GPR149: variants seen among roughly 807,000 people sequenced by gnomAD.
The protein encoded by GPR149 is probable G protein-coupled receptor 149.
In GPR149, 50 loss-of-function variants were observed where a neutral mutation model predicts 50.2. That is an observed-to-expected ratio of 1.00 (90% CI 0.79 to 1.26). The LOEUF (loss-of-function observed/expected upper bound fraction) is 1.26. Among genes scored for constraint, GPR149 ranks in the 50% most tolerant of loss-of-function variants. The probability of loss-of-function intolerance (pLI) is 0.00; values close to 1 mark genes in which losing one functional copy is unlikely to be tolerated. For synonymous variants in GPR149, 405 were observed against 358.2 expected (o/e 1.13, Z -1.48); for missense variants, 983 against 895.4 (o/e 1.10, Z -1.25).
At chr3:154,414,422 C>A (rs186600869) in intron 3 of GPR149, among the ~76,000 whole-genome samples, 120 of 152,004 alleles carry the variant, frequency 7.9e-4, no homozygotes, top group African/African-American at 2.8e-3. Context: ...AAAGAAGAAT[C>A]GTAGAAATAG....
At chr3:154,350,046 A>T (rs1010013886) in intron 3 of GPR149, among the ~76,000 whole-genome samples, 3 of 152,088 alleles carry the variant, frequency 2.0e-5, no homozygotes, top group Non-Finnish European at 4.4e-5. Context: ...AAATAAAAAA[A>T]TTTAGCTAGG....
intron 3 of GPR149, among the ~76,000 whole-genome samples, chr3:154,394,601 G>C (rs894446592): frequency 1.3e-5 from 2 of 151,970 alleles, no homozygotes; most frequent in East Asian, 3.8e-4. Context: ...AGCATGAAAA[G>C]GTAACCTACA....
intron 3 of GPR149, among the ~76,000 whole-genome samples, chr3:154,401,639 C>G (rs1193145432): frequency 6.6e-6 from 1 of 151,930 alleles, no homozygotes; most frequent in Non-Finnish European, 1.5e-5. Context: ...TTTCAACTTT[C>G]AGAAGGCAAA....
intron 1 of GPR149, among the ~76,000 whole-genome samples, 167 bp downstream of exon 1, chr3:154,428,468 C>G (rs1027180219): frequency 1.3e-5 from 2 of 152,156 alleles, no homozygotes; most frequent in African/African-American, 4.8e-5. Flanking sequence ...AGCCCTGTCC[C>G]GAACTGCCTT....
intron 3 of GPR149, among the ~76,000 whole-genome samples, chr3:154,342,088 G>T (rs1713811804): frequency 6.6e-6 from 1 of 152,124 alleles, no homozygotes. Context: ...CTTTTAAAGT[G>T]CTGAGTGAAT....
chr3:154,423,037 T>C (rs534953543), intron 2 of GPR149, among the ~76,000 whole-genome samples: 2 of 151,934 alleles, frequency 1.3e-5, no homozygotes. Flanking sequence ...ATTTTATTAG[T>C]TGCACATTGT....
intron 3 of GPR149, among the ~76,000 whole-genome samples, chr3:154,386,991 A>C (rs1715058537): frequency 6.6e-6 from 1 of 151,992 alleles, no homozygotes; most frequent in African/African-American, 2.4e-5. Flanking sequence ...TTCCCTATTA[A>C]GGGAAATAGC....
At chr3:154,359,483 G>A (rs1405189053) in intron 3 of GPR149, among the ~76,000 whole-genome samples, 1 of 152,118 alleles carries the variant, frequency 6.6e-6, no homozygotes, top group Non-Finnish European at 1.5e-5. Context: ...TCCACATCTA[G>A]CTTTTCTTGA....
chr3:154,373,191 C>T (rs1411867035), intron 3 of GPR149, among the ~76,000 whole-genome samples: 2 of 151,790 alleles, frequency 1.3e-5, no homozygotes, highest in African/African-American at 4.8e-5. Flanking sequence ...AAAAAGTGGG[C>T]CAAAGAGGTA....
At chr3:154,352,421 C>T (rs1714102657) in intron 3 of GPR149, 1 of 904,614 alleles carries the variant, frequency 1.1e-6, no homozygotes, top group East Asian at 2.4e-5. Context: ...CTGCCTGTAA[C>T]CTTTCTGATT....
rs900255993 is a variant in GPR149, at chr3:154,426,882, G to A, written c.1174+634C>T. On this transcript the variant is annotated intron_variant, in intron 2 of 3. Transcript: ENST00000389740. Reference sequence around the variant, plus strand: ...TGTTTGGACCAGGGCGTGTGTGTGTGTGTGTGTGTGTGTGTGTGTGTGTGT... The same window carrying A: ...TGTTTGGACCAGGGCGTGTGTGTGTATGTGTGTGTGTGTGTGTGTGTGTGT... Among the ~76,000 whole-genome samples the A allele has an allele frequency of 3.6e-4, 40 of 111,368 alleles. No individual in the cohort carries two copies. In the East Asian group the frequency reaches 0.012, roughly 32 times the overall value. 73.1% of individuals were successfully genotyped at this position (111,368 alleles called of 152,430 possible).
intron 3 of GPR149, among the ~76,000 whole-genome samples, chr3:154,418,816 A>T (rs1396956723): frequency 6.6e-6 from 1 of 151,948 alleles, no homozygotes; most frequent in Non-Finnish European, 1.5e-5. Context: ...AAAGTATAAT[A>T]ATAATAATAA....
At chr3:154,413,588 C>G (rs904321320) in intron 3 of GPR149, among the ~76,000 whole-genome samples, 1 of 151,582 alleles carries the variant, frequency 6.6e-6, no homozygotes, top group African/African-American at 2.4e-5. Context: ...AAATGCAAAT[C>G]TAAATCACAA....
intron 3 of GPR149, among the ~76,000 whole-genome samples, chr3:154,415,741 C>T (rs543123450): frequency 5.9e-5 from 9 of 151,804 alleles, no homozygotes; most frequent in East Asian, 1.9e-4. Flanking sequence ...CTTTGCTTAT[C>T]GGCAATTTCT....
intron 3 of GPR149, among the ~76,000 whole-genome samples, chr3:154,418,375 T>A (rs2108427755): frequency 9.0e-6 from 1 of 111,530 alleles, no homozygotes; most frequent in South Asian, 2.9e-4. Flanking sequence ...GGTATGTTTA[T>A]TGTGGCATTA....
intron 3 of GPR149, among the ~76,000 whole-genome samples, chr3:154,417,277 C>T (rs1712017147): frequency 6.6e-6 from 1 of 151,872 alleles, no homozygotes. Flanking sequence ...AATTGTGTGG[C>T]CATGTTTAAA....
At chr3:154,408,849 G>A (rs1409344074) in intron 3 of GPR149, among the ~76,000 whole-genome samples, 1 of 152,210 alleles carries the variant, frequency 6.6e-6, no homozygotes, top group Non-Finnish European at 1.5e-5. Context: ...CCTAGGGCAA[G>A]TTTACATCCT....
Position 154,429,834 on chromosome 3 carries a change from A to T in GPR149, c.-219T>A. 2.7e-6 allele frequency: 1 copy of T among 373,190 alleles called. No individual in the cohort carries two copies. Among genetic ancestry groups the T allele is most frequent in the Non-Finnish European group, 4.7e-6 (1 of 210,698 alleles). 23.1% of individuals were successfully genotyped at this position (373,190 alleles called of 1,614,324 possible). ...CCATTTCAAGCATAAAAAAAAAAAA[A>T]CCCGAACAGATAACTTTTCAACATT... On this transcript the variant is annotated 5_prime_UTR_variant, in exon 1 of 4. Transcript: ENST00000389740.
At position 154,366,653 on chromosome 3, in the gene GPR149, T is replaced by G. The variant is rs189979168; in HGVS notation, c.1624-28382A>C. On this transcript the variant is annotated intron_variant, in intron 3 of 3. Coordinates refer to ENST00000389740, the MANE Select transcript of GPR149 (RefSeq NM_001038705.3). ...CAGACTTTAAGTCTTTAGGTAAAGC[T>G]TAACTCCTTTCAACCAATTGCCAGT... Among the ~76,000 whole-genome samples, 295 of 152,352 alleles carry G rather than the reference T, an allele frequency of 1.9e-3. 3 individuals carry two copies. Among genetic ancestry groups the G allele is most frequent in the Non-Finnish European group, 4.1e-4 (28 of 68,032 alleles).
Sources: allele counts gnomAD v4.1 joint callset (sites outside exome capture counted in the v4.1 genomes callset), GRCh38; gene constraint gnomAD v4.1.1; transcripts MANE v1.5; gene names NCBI Gene and HGNC (gene_info 2026-07-23, HGNC 2026-07-21).